BEND6: variants seen among roughly 807,000 people sequenced by gnomAD.
The protein encoded by BEND6 is BEN domain-containing protein 6.
A neutral mutation model predicts 31.8 loss-of-function variants in BEND6; 24 were observed. That is an observed-to-expected ratio of 0.75 (90% CI 0.55 to 1.06). The LOEUF (loss-of-function observed/expected upper bound fraction) is 1.06, where lower values mean the gene tolerates loss of function less well. Among genes scored for constraint, BEND6 ranks in the 50% least tolerant of loss-of-function variants. BEND6 has a pLI of 0.00. For missense variants in BEND6, 294 were observed against 327.4 expected, an observed-to-expected ratio of 0.90 and a Z score of 0.79; for synonymous variants, 109 against 114.6, an observed-to-expected ratio of 0.95 and a Z score of 0.31.
intron 2 of BEND6, among the ~76,000 whole-genome samples, chr6:56,984,024 G>A (rs547853411): frequency 6.6e-6 from 1 of 152,172 alleles, no homozygotes; most frequent in East Asian, 1.9e-4. Context: ...TTTGTGACCA[G>A]CCTGGGCAAC....
intron 1 of BEND6, among the ~76,000 whole-genome samples, chr6:56,973,400 T>C (rs1825757275): frequency 6.6e-6 from 1 of 152,236 alleles, no homozygotes; most frequent in African/African-American, 2.4e-5. Flanking sequence ...CCCCAGTGGA[T>C]GCCTGAAACA....
intron 2 of BEND6, among the ~76,000 whole-genome samples, chr6:56,984,932 A>T (rs557329492): frequency 2.6e-5 from 4 of 152,350 alleles, no homozygotes; most frequent in African/African-American, 9.6e-5. Flanking sequence ...TGGCTTTTTC[A>T]AAACTTGAAG....
At chr6:57,015,520 G>T (rs1827521003) in intron 4 of BEND6, among the ~76,000 whole-genome samples, 167 bp downstream of exon 4, 1 of 151,880 alleles carries the variant, frequency 6.6e-6, no homozygotes, top group South Asian at 2.1e-4. Context: ...GCATAAGGTG[G>T]CCAGGTGTGG....
At chr6:57,004,917 G>T in intron 3 of BEND6, 1 of 554,172 alleles carries the variant, frequency 1.8e-6, no homozygotes. Context: ...GGAGGATGAG[G>T]CAAGAGAGCT....
At chr6:57,008,089 G>C (rs1827223242) in intron 3 of BEND6, 2 of 678,588 alleles carry the variant, frequency 2.9e-6, no homozygotes, top group Non-Finnish European at 5.3e-6. Flanking sequence ...AGACAAAAAT[G>C]CTTGCTAAGT....
chr6:57,024,706 T>C (rs1038742025), intron 6 of BEND6, among the ~76,000 whole-genome samples: 1 of 152,214 alleles, frequency 6.6e-6, no homozygotes, highest in African/African-American at 2.4e-5. Context: ...GTTGAATGTG[T>C]TTGGTGTTCT....
intron 1 of BEND6, among the ~76,000 whole-genome samples, chr6:56,966,750 C>T (rs975773016): frequency 6.6e-6 from 1 of 152,124 alleles, no homozygotes; most frequent in Non-Finnish European, 1.5e-5. Context: ...TCCGAAAAGA[C>T]AAAGGCTGGG....
At chr6:56,988,732 T>C (rs1386578712) in intron 2 of BEND6, among the ~76,000 whole-genome samples, 1 of 151,978 alleles carries the variant, frequency 6.6e-6, no homozygotes, top group East Asian at 1.9e-4. Flanking sequence ...TTACTTGTGT[T>C]TTAATAGTTT....
At chr6:57,013,608 G>T (rs1827423495) in intron 3 of BEND6, among the ~76,000 whole-genome samples, 1 of 152,166 alleles carries the variant, frequency 6.6e-6, no homozygotes, top group African/African-American at 2.4e-5. Flanking sequence ...CCGTGAGTCA[G>T]CTCATTAGCA....
chr6:56,958,842 C>T (rs930575568), intron 1 of BEND6, among the ~76,000 whole-genome samples: 30 of 152,144 alleles, frequency 2.0e-4, no homozygotes, highest in Non-Finnish European at 1.2e-4. Flanking sequence ...AGGAGACCTC[C>T]GGAAACCTTT....
chr6:57,009,183 C>T (rs1430387220), intron 3 of BEND6: 1 of 152,096 alleles, frequency 6.6e-6, no homozygotes, highest in Non-Finnish European at 1.5e-5. Flanking sequence ...TACAAAATTA[C>T]AGCTAGATGG....
At position 57,020,752 on chromosome 6, in the gene BEND6, C is replaced by A. The variant is rs567734308; in HGVS notation, c.*9+2195C>A. Reference sequence around the variant, plus strand: ...CTTTTCTAAATGGTATGTTACCAGACCTCCAAGTCAAGTGGCTATCTTTTG... The same window carrying A: ...CTTTTCTAAATGGTATGTTACCAGAACTCCAAGTCAAGTGGCTATCTTTTG... On this transcript the variant is annotated intron_variant, in intron 6 of 6. Coordinates refer to ENST00000370746, the MANE Select transcript of BEND6 (RefSeq NM_152731.3). 5.3e-5 allele frequency among the ~76,000 whole-genome samples: 8 copies of A among 151,944 alleles called. No homozygotes were observed. The East Asian group carries it at 5.8e-4, about 11-fold the overall frequency.
intron 6 of BEND6, among the ~76,000 whole-genome samples, chr6:57,022,165 T>C (rs9800857): frequency 1.1e-5 from 1 of 90,966 alleles, no homozygotes; most frequent in African/African-American, 5.5e-5. Context: ...TTTCTTTTTC[T>C]TTTTTTTTTT....
rs781760365 is a variant in BEND6 at position 57,017,384 on chromosome 6, G to A, written c.697G>A (p.Val233Ile). 1 of 1,358,512 alleles carries A rather than the reference G, an allele frequency of 7.4e-7. No individual in the cohort carries two copies. Among genetic ancestry groups the A allele is most frequent in the Non-Finnish European group, 9.5e-7 (1 of 1,048,102 alleles). The allele number at this position is 1,358,512 out of a possible 1,614,324, so 84.2% of individuals were successfully genotyped here. A position where few individuals can be genotyped will look rare whatever the true frequency, so the allele number is the denominator to read the frequency against. Residue 233 changes from valine to isoleucine, a missense_variant, in exon 5 of 7, where the codon GTC (valine) becomes ATC (isoleucine). Coordinates refer to ENST00000370746, the MANE Select transcript of BEND6 (RefSeq NM_152731.3). ...AAAACCAGCTATGAATCAGAATGAA[G>A]TCCAAGAAATCATAGGTGATAATAT... ...AVKPAMNQNE[V>I]QEIIGVTKQL...
intron 2 of BEND6, among the ~76,000 whole-genome samples, chr6:56,983,328 T>C (rs1002846856): frequency 4.6e-5 from 7 of 152,214 alleles, no homozygotes; most frequent in Admixed American, 2.6e-4. Context: ...AATCTACACA[T>C]GTTGCATGAA....
chr6:56,995,189 A>G (rs979593182), intron 3 of BEND6, among the ~76,000 whole-genome samples: 1 of 151,662 alleles, frequency 6.6e-6, no homozygotes, highest in Non-Finnish European at 1.5e-5. Context: ...AATCATTCCC[A>G]TTAGTATCAA....
At chr6:56,989,335 C>T (rs575929037) in intron 2 of BEND6, among the ~76,000 whole-genome samples, 1 of 152,252 alleles carries the variant, frequency 6.6e-6, no homozygotes, top group South Asian at 2.1e-4. Context: ...AATATCCCAA[C>T]TTGTAACTAA....
chr6:57,023,088 T>G (rs1247443577), intron 6 of BEND6, among the ~76,000 whole-genome samples: 1 of 152,230 alleles, frequency 6.6e-6, no homozygotes, highest in Non-Finnish European at 1.5e-5. Flanking sequence ...GAAAACAATG[T>G]GTATTTTATA....
intron 3 of BEND6, among the ~76,000 whole-genome samples, chr6:56,998,617 A>C (rs542481361): frequency 3.3e-5 from 5 of 152,270 alleles, no homozygotes; most frequent in Non-Finnish European, 7.3e-5. Context: ...TTTAGACTCC[A>C]AAAAAATCAA....
Sources: allele counts gnomAD v4.1 joint callset (sites outside exome capture counted in the v4.1 genomes callset), GRCh38; gene constraint gnomAD v4.1.1; transcripts MANE v1.5; gene names NCBI Gene and HGNC (gene_info 2026-07-23, HGNC 2026-07-21).